Variants in STMN2 observed in about 807,000 individuals in gnomAD.
STMN2 encodes stathmin-2.
STMN2 carries 2 observed loss-of-function variants against 24.1 expected under a neutral mutation model. The observed-to-expected ratio is 0.08, with a 90% confidence interval of 0.03 to 0.26. The LOEUF (loss-of-function observed/expected upper bound fraction) is 0.26, where lower values mean the gene tolerates loss of function less well. Ranked by LOEUF, STMN2 falls within the 10% of genes least tolerant of loss-of-function variation. STMN2 has a pLI of 1.00. For missense variants in STMN2, 114 were observed against 213.6 expected (o/e 0.53, Z 2.91); for synonymous variants, 83 against 77.5 (o/e 1.07, Z -0.37).
At chr8:79,620,527 CTT>C (rs1282117039) in intron 1 of STMN2, among the ~76,000 whole-genome samples, 1 of 151,966 alleles carries the variant, frequency 6.6e-6, no homozygotes, top group Non-Finnish European at 1.5e-5. Flanking sequence ...TGGATTTAGT[CTT>C]TTGCAGAAAA....
intron 1 of STMN2, among the ~76,000 whole-genome samples, chr8:79,627,723 A>G (rs1199821396): frequency 7.2e-6 from 1 of 138,152 alleles, no homozygotes; most frequent in Non-Finnish European, 1.6e-5. Flanking sequence ...AAATACAAAG[A>G]AATTATTCAT....
intron 1 of STMN2, among the ~76,000 whole-genome samples, chr8:79,621,134 G>GC (rs141484562): frequency 0.013 from 1,950 of 152,312 alleles, 49 homozygotes; most frequent in African/African-American, 0.045. Context: ...GGGATTCTGA[G>GC]TTTCAGTCTT....
chr8:79,641,614 G>A lies in STMN2; in HGVS notation c.288+64G>A, dbSNP rs373749043. The A allele has an allele frequency of 1.1e-3, 1,153 of 1,060,128 alleles. 23 individuals carry two copies. In the South Asian group the frequency reaches 0.015, roughly 13 times the overall value. The allele number at this position is 1,060,128 out of a possible 1,614,324, so 65.7% of individuals were successfully genotyped here. On this transcript the variant is annotated intron_variant, in intron 3 of 4. Coordinates refer to ENST00000220876, the MANE Select transcript of STMN2 (RefSeq NM_007029.4). ...CCCTGCTCCTCCCTCTCACACACTC[G>A]GGCACACATGCACGCACACACACAC...
intron 4 of STMN2, among the ~76,000 whole-genome samples, chr8:79,660,901 T>C (rs1806488012): frequency 6.6e-6 from 1 of 150,976 alleles, no homozygotes; most frequent in Admixed American, 6.6e-5. Context: ...CATATGATAG[T>C]TAGTGCTCAA....
intron 1 of STMN2, among the ~76,000 whole-genome samples, chr8:79,621,779 T>C (rs1019365808): frequency 6.6e-6 from 1 of 152,174 alleles, no homozygotes; most frequent in Admixed American, 6.5e-5. Context: ...AAGCCAGAGA[T>C]AAAACTCAGT....
At chr8:79,658,694 C>T (rs1806433396) in intron 4 of STMN2, among the ~76,000 whole-genome samples, 1 of 152,194 alleles carries the variant, frequency 6.6e-6, no homozygotes. Flanking sequence ...CCATTCAGCA[C>T]TCAGTCGCTC....
At chr8:79,663,457 G>A in intron 4 of STMN2, 1 of 508,594 alleles carries the variant, frequency 2.0e-6, no homozygotes, top group Non-Finnish European at 3.4e-6. Context: ...GGTAAAACGT[G>A]TACTGATGCA....
chr8:79,644,717 C>T (rs1810181241), intron 3 of STMN2, among the ~76,000 whole-genome samples: 1 of 152,168 alleles, frequency 6.6e-6, no homozygotes, highest in South Asian at 2.1e-4. Context: ...TTTAGTGTTA[C>T]TATAACAATT....
intron 2 of STMN2, among the ~76,000 whole-genome samples, chr8:79,638,839 C>G (rs1810028307): frequency 6.6e-6 from 1 of 152,108 alleles, no homozygotes; most frequent in Non-Finnish European, 1.5e-5. Flanking sequence ...TAATCTAAGG[C>G]ATTTAAAACC....
chr8:79,637,455 G>T (rs1809992695), intron 2 of STMN2, among the ~76,000 whole-genome samples: 1 of 152,172 alleles, frequency 6.6e-6, no homozygotes, highest in African/African-American at 2.4e-5. Flanking sequence ...CAATTAACAT[G>T]ATTGAGGTGC....
chr8:79,638,370 T>G (rs1212582521), intron 2 of STMN2, among the ~76,000 whole-genome samples: 2 of 152,230 alleles, frequency 1.3e-5, no homozygotes, highest in Non-Finnish European at 2.9e-5. Context: ...TAAGCTGTTT[T>G]TATTTGCCTG....
At chr8:79,622,411 A>T (rs908490252) in intron 1 of STMN2, among the ~76,000 whole-genome samples, 7 of 152,338 alleles carry the variant, frequency 4.6e-5, no homozygotes, top group Non-Finnish European at 8.8e-5. Context: ...TACATGTATT[A>T]CAAATCTACT....
intron 1 of STMN2, 44 bp downstream of exon 1, chr8:79,611,258 C>A: frequency 6.2e-7 from 1 of 1,610,480 alleles, no homozygotes; most frequent in African/African-American, 1.3e-5. Flanking sequence ...ACCTGGAGCC[C>A]ACCTCTCACC....
chr8:79,638,444 A>C (rs1164725648), intron 2 of STMN2, among the ~76,000 whole-genome samples: 1 of 152,210 alleles, frequency 6.6e-6, no homozygotes, highest in African/African-American at 2.4e-5. Context: ...TTAAAGTTGA[A>C]TAGATAATTC....
intron 3 of STMN2, among the ~76,000 whole-genome samples, chr8:79,653,877 C>T (rs963916118): frequency 6.6e-6 from 1 of 152,110 alleles, no homozygotes; most frequent in African/African-American, 2.4e-5. Flanking sequence ...TGGGACTTTT[C>T]TCAGCTGCAT....
intron 1 of STMN2, among the ~76,000 whole-genome samples, chr8:79,632,959 C>T (rs542954931): frequency 2.0e-5 from 3 of 152,306 alleles, no homozygotes; most frequent in Non-Finnish European, 4.4e-5. Context: ...TCAGTGGCTC[C>T]GAATTCAGTT....
intron 3 of STMN2, among the ~76,000 whole-genome samples, chr8:79,641,757 A>C (rs1312344515): frequency 1.3e-5 from 2 of 152,000 alleles, no homozygotes; most frequent in East Asian, 3.9e-4. Flanking sequence ...GTTGGGGTAA[A>C]AACTGTAAGA....
chr8:79,636,762 GAA>G, intron 1 of STMN2, 38 bp from the exon 2 acceptor site: 1 of 1,585,112 alleles, frequency 6.3e-7, no homozygotes, highest in Non-Finnish European at 8.6e-7. Flanking sequence ...GAGAAATTCA[GAA>G]AAAATGAAAT....
chr8:79,636,981 A>G (rs1389426990), intron 2 of STMN2, 84 bp downstream of exon 2: 23 of 1,232,402 alleles, frequency 1.9e-5, no homozygotes, highest in Non-Finnish European at 2.7e-5. Context: ...AGCTCCTGAT[A>G]TAATTACATC....
Sources: allele counts gnomAD v4.1 joint callset (sites outside exome capture counted in the v4.1 genomes callset), GRCh38; gene constraint gnomAD v4.1.1; transcripts MANE v1.5; gene names NCBI Gene and HGNC (gene_info 2026-07-23, HGNC 2026-07-21).